The following PBXIP1 variants were observed in gnomAD, a reference collection of about 807,000 sequenced individuals.
The protein encoded by PBXIP1 is PBX homeobox interacting protein 1, also known as pre-B-cell leukemia transcription factor-interacting protein 1.
In PBXIP1, 73 loss-of-function variants were observed where a neutral mutation model predicts 73.7. The ratio of observed to expected loss-of-function variants is 0.99; its 90% CI spans 0.82 to 1.20. The LOEUF (loss-of-function observed/expected upper bound fraction) is 1.20, where lower values mean the gene tolerates loss of function less well. Among genes scored for constraint, PBXIP1 ranks in the 50% most tolerant of loss-of-function variants. PBXIP1 has a pLI of 0.00. For synonymous variants in PBXIP1, 330 were observed against 366.9 expected (o/e 0.90, Z 1.15); for missense variants, 818 against 911.4 (o/e 0.90, Z 1.32).
In PBXIP1 at chr1:154,946,557, C is replaced by A. The variant is rs1462623882; in HGVS notation, c.1117G>T (p.Glu373Ter). ...DKAIREQGPR[E>*]QEPELSFLKQ... ...AGGAAGCTGAGTTCTGGCTCCTGCT[C>A]CCTGGGGCCTTGCTCCCTGATGGCC... Residue 373 changes from glutamate (E) to a stop codon, truncating the protein, a stop_gained, in exon 10 of 11, where the codon GAG (glutamate) becomes TAG (stop). Coordinates refer to ENST00000368463, the MANE Select transcript of PBXIP1 (RefSeq NM_020524.4). LOFTEE classifies it high-confidence loss of function. The A allele has an allele frequency of 1.2e-6, 2 of 1,612,818 alleles. No individual in the cohort carries two copies.
chr1:154,945,546 G>C, intron 10 of PBXIP1, 26 bp downstream of exon 10: 6 of 1,584,938 alleles, frequency 3.8e-6, no homozygotes, highest in Non-Finnish European at 4.3e-6. Flanking sequence ...TGTCCCACCC[G>C]ACCCAACTCC....
intron 10 of PBXIP1, 100 bp from the exon 11 acceptor site, chr1:154,945,217 C>G (rs562502302): frequency 2.4e-6 from 2 of 818,558 alleles, no homozygotes; most frequent in Non-Finnish European, 3.9e-6. Context: ...CTGACTTGAG[C>G]AGGCACCACC....
intron 2 of PBXIP1, among the ~76,000 whole-genome samples, chr1:154,953,459 G>C (rs375732375): frequency 8.6e-5 from 13 of 152,020 alleles, no homozygotes; most frequent in Admixed American, 3.3e-4. Flanking sequence ...TACCCAACTG[G>C]TCCCTTCCTT....
At position 154,948,371 on chromosome 1, in the gene PBXIP1, G is replaced by A. The variant is rs377518832; in HGVS notation, c.410-5C>T. The A allele has an allele frequency of 8.3e-6, 13 of 1,574,800 alleles. No homozygotes were observed. The highest frequency in any genetic ancestry group is 1.3e-5 in the African/African-American group (1 of 74,304). On this transcript the variant is annotated splice_polypyrimidine_tract_variant and splice_region_variant and intron_variant, in intron 5 of 10. Coordinates refer to ENST00000368463, the MANE Select transcript of PBXIP1 (RefSeq NM_020524.4). ...GGCCCTCCTCCCTGATCCAAGCTAGGGGAAAGGACAGGGACAGGGCAGTGA... is the reference window on the plus strand; with the variant it reads ...GGCCCTCCTCCCTGATCCAAGCTAGAGGAAAGGACAGGGACAGGGCAGTGA...
At chr1:154,955,003 C>T (rs956789663) in intron 1 of PBXIP1, 4 of 981,840 alleles carry the variant, frequency 4.1e-6, no homozygotes, top group African/African-American at 3.5e-5. Flanking sequence ...GTTTTCAAGT[C>T]CTGCGTGGTG....
chr1:154,954,728 C>T (rs560015662), intron 1 of PBXIP1, among the ~76,000 whole-genome samples: 4 of 152,276 alleles, frequency 2.6e-5, no homozygotes, highest in East Asian at 1.9e-4. Context: ...CTGACTGACA[C>T]AAAGCAGGGT....
intron 5 of PBXIP1, 154 bp from the exon 6 acceptor site, chr1:154,948,520 G>T (rs1571398292): frequency 1.7e-6 from 1 of 596,212 alleles, no homozygotes; most frequent in East Asian, 2.9e-5. Flanking sequence ...GCCCACTTCT[G>T]CCTGGGCATT....
At position 154,947,410 on chromosome 1, in the gene PBXIP1, T is replaced by G. The variant is rs1287126385; in HGVS notation, c.870+7A>C. On this transcript the variant is annotated splice_region_variant and intron_variant, in intron 9 of 10. Coordinates refer to ENST00000368463, the MANE Select transcript of PBXIP1 (RefSeq NM_020524.4). ...ACCCTAGCCCAGCCCCTCCTGCCTG[T>G]GCCCACCTGCAGCTGGGCCTGCAGC... is the stretch of plus-strand genomic sequence containing the variant. The G allele has an allele frequency of 3.1e-6, 5 of 1,613,848 alleles. No homozygotes were observed. In the African/African-American group the frequency reaches 4.0e-5, roughly 13 times the overall value.
Position 154,944,804 on chromosome 1 carries a change from T to G in PBXIP1, c.*220A>C. The G allele has an allele frequency of 1.9e-6, 1 of 519,936 alleles. No homozygotes were observed. The highest frequency in any genetic ancestry group is 3.5e-6 in the Non-Finnish European group (1 of 289,644). 32.2% of individuals were successfully genotyped at this position (519,936 alleles called of 1,614,324 possible). A position where few individuals can be genotyped will look rare whatever the true frequency, so the allele number is the denominator to read the frequency against. On this transcript the variant is annotated 3_prime_UTR_variant, in exon 11 of 11. Coordinates refer to ENST00000368463, the MANE Select transcript of PBXIP1 (RefSeq NM_020524.4). ...AAACACAAGCCCACATCCCAGGGCC[T>G]GGAGTATTTGCATGCATTTGCATAG...
rs201594342 is a variant in PBXIP1, at chr1:154,947,083, A to G, written c.871-280T>C. ...AGGATAGCCAATGTGTGGCTCTCAC[A>G]GTCTTATTTCCTGGAACAGTGTTAA... On this transcript the variant is annotated intron_variant, in intron 9 of 10. Transcript: ENST00000368463. The G allele has an allele frequency of 2.2e-4, 126 of 568,618 alleles. No homozygotes were observed. In the East Asian group the frequency reaches 3.5e-3, roughly 16 times the overall value. The allele number at this position is 568,618 out of a possible 1,614,324, so 35.2% of individuals were successfully genotyped here.
intron 1 of PBXIP1, among the ~76,000 whole-genome samples, chr1:154,954,778 A>G (rs896926198): frequency 1.8e-4 from 28 of 152,176 alleles, no homozygotes; most frequent in Non-Finnish European, 3.2e-4. Context: ...AGGCTAAAAC[A>G]GTTCCCTCAG....
intron 5 of PBXIP1, among the ~76,000 whole-genome samples, chr1:154,948,830 C>A (rs1275560695): frequency 6.6e-6 from 1 of 152,156 alleles, no homozygotes; most frequent in Non-Finnish European, 1.5e-5. Context: ...TGACACCCCC[C>A]TTCAGCAATG....
chr1:154,953,294 C>A (rs1429933235), intron 2 of PBXIP1, among the ~76,000 whole-genome samples: 1 of 152,184 alleles, frequency 6.6e-6, no homozygotes, highest in Non-Finnish European at 1.5e-5. Flanking sequence ...CAGGCTCTGT[C>A]CCCAACCTCA....
At chr1:154,955,225 T>C (rs1250272251) in intron 1 of PBXIP1, among the ~76,000 whole-genome samples, 1 of 152,142 alleles carries the variant, frequency 6.6e-6, no homozygotes, top group African/African-American at 2.4e-5. Flanking sequence ...CGCTTGTGGC[T>C]CCACCCCCGC....
rs1467466302 is a variant in PBXIP1 at position 154,951,615 on chromosome 1, C to T, written c.179-80G>A. ...GCAGCCCTCTGTCCATCCCACGGGC[C>T]CCTACCAGGTTGGAAGAGGCAGGAA... On this transcript the variant is annotated intron_variant, in intron 3 of 10. Coordinates refer to ENST00000368463, the MANE Select transcript of PBXIP1 (RefSeq NM_020524.4). This position sits in a 1 kb window ranked among gnomAD's most constrained non-coding sequence, Gnocchi z 4.3. 1 of 1,499,718 alleles carries T rather than the reference C, an allele frequency of 6.7e-7. No homozygotes were observed. The highest frequency in any genetic ancestry group is 9.3e-7 in the Non-Finnish European group (1 of 1,077,748). The allele number at this position is 1,499,718 out of a possible 1,614,324, so 92.9% of individuals were successfully genotyped here.
At position 154,953,741 on chromosome 1, in the gene PBXIP1, G is replaced by T. The variant is rs759188889; in HGVS notation, c.-20C>A. The stretch of plus-strand genomic sequence containing the variant: ...GGCCATAGTTGCTGAGGTCCCTGAG[G>T]CTGCTGTGGCTGCCACCTGCAGAAG... On this transcript the variant is annotated 5_prime_UTR_variant, in exon 2 of 11. Coordinates refer to ENST00000368463, the MANE Select transcript of PBXIP1 (RefSeq NM_020524.4). 5.0e-6 allele frequency: 8 copies of T among 1,610,376 alleles called. No homozygotes were observed. Among genetic ancestry groups the T allele is most frequent in the Non-Finnish European group, 6.8e-6 (8 of 1,177,782 alleles).
chr1:154,946,085 T>G lies in PBXIP1; in HGVS notation c.1589A>C (p.Lys530Thr), dbSNP rs144596543. Residue 530 changes from lysine (K) to threonine (T), a missense_variant, in exon 10 of 11, where the codon AAG becomes ACG. Lys to Thr is a moderately conservative substitution (Grantham distance 78, BLOSUM62 -1). Coordinates refer to ENST00000368463, the MANE Select transcript of PBXIP1 (RefSeq NM_020524.4). ...GRPRVEESGS[K>T]KEGKRQGPKE... ...CGGGCCCTGTCGCTTGCCCTCCTTC[T>G]TGCTCCCCGACTCCTCCACCCTTGG... 3 of 1,614,022 alleles carry G rather than the reference T, an allele frequency of 1.9e-6. No individual in the cohort carries two copies. The highest frequency in any genetic ancestry group is 2.5e-6 in the Non-Finnish European group (3 of 1,180,008).
chr1:154,945,195 C>T, intron 10 of PBXIP1, 78 bp from the exon 11 acceptor site: 1 of 1,073,516 alleles, frequency 9.3e-7, no homozygotes, highest in Non-Finnish European at 1.4e-6. Flanking sequence ...GACCCTGCTC[C>T]TCCCAATGAA....
chr1:154,954,238 A>G (rs1381658430), intron 1 of PBXIP1, among the ~76,000 whole-genome samples: 1 of 152,222 alleles, frequency 6.6e-6, no homozygotes, highest in Non-Finnish European at 1.5e-5. Context: ...GGAAGACTCA[A>G]TGGCCTCCTT....
Sources: gnomAD v4.1 joint callset for allele counts (sites outside exome capture counted in the v4.1 genomes callset) on GRCh38, gnomAD v4.1.1 for gene constraint, Gnocchi (gnomAD v3.1) non-coding constraint, MANE v1.5 for transcripts, NCBI Gene and HGNC (gene_info 2026-07-23, HGNC 2026-07-21) for gene names.